The following RBSN variants were observed in gnomAD, a reference collection of about 807,000 sequenced individuals.
RBSN encodes rabenosyn, RAB effector, also known as rabenosyn-5.
RBSN carries 34 observed loss-of-function variants against 60.5 expected under a neutral mutation model. The ratio of observed to expected loss-of-function variants is 0.56; its 90% CI spans 0.43 to 0.75. The LOEUF is 0.75. Ranked by LOEUF, RBSN falls within the 30% of genes least tolerant of loss-of-function variation. The pLI, the probability that RBSN is intolerant of heterozygous loss-of-function variation, is 0.00. For synonymous variants in RBSN, 322 were observed against 366.9 expected, an observed-to-expected ratio of 0.88 and a Z score of 1.40; for missense variants, 845 against 986.8, an observed-to-expected ratio of 0.86 and a Z score of 1.92.
intron 10 of RBSN, 57 bp downstream of exon 10, chr3:15,080,675 C>A: frequency 6.5e-7 from 1 of 1,549,502 alleles, no homozygotes. Flanking sequence ...GAGAATTGAC[C>A]TAAAATGCCA....
Position 15,074,541 on chromosome 3 carries a change from T to G in RBSN, c.1596A>C (p.Arg532=). 6.2e-7 allele frequency: 1 copy of G among 1,614,216 alleles called. No individual in the cohort carries two copies. The highest frequency in any genetic ancestry group is 8.5e-7 in the Non-Finnish European group (1 of 1,180,048). The part of the protein sequence containing the change: ...LQMLRERELE[R]EREQFRVASL... ...ATGCCACCCGAAACTGCTCCCTTTC[T>G]CGTTCCAACTCCCGTTCACGCAACA... Residue 532 remains arginine (R), a synonymous_variant, in exon 14 of 14, where the codon CGA becomes CGC. Coordinates refer to ENST00000253699, the MANE Select transcript of RBSN (RefSeq NM_022340.4). The surrounding 1 kb of genome is among the most constrained non-coding windows in gnomAD (Gnocchi z 6.4).
At position 15,077,735 on chromosome 3, in the gene RBSN, T is replaced by C. The variant is rs2043089809; in HGVS notation, c.998+340A>G. 1.3e-5 allele frequency among the ~76,000 whole-genome samples: 2 copies of C among 152,232 alleles called. No individual in the cohort carries two copies. Among genetic ancestry groups the C allele is most frequent in the Admixed American group, 6.5e-5 (1 of 15,282 alleles). Reference sequence around the variant, plus strand: ...TCCACAATTTTTGCTATCTGTGACATGATTCCTCACCTTTGACACAGGATG... The same window carrying C: ...TCCACAATTTTTGCTATCTGTGACACGATTCCTCACCTTTGACACAGGATG... On this transcript the variant is annotated intron_variant, in intron 11 of 13. Transcript: ENST00000253699. The surrounding 1 kb of genome is among the most constrained non-coding windows in gnomAD (Gnocchi z 4.4).
At position 15,073,747 on chromosome 3, in the gene RBSN, A is replaced by G; in HGVS notation, c.*35T>C. Reference sequence around the variant, plus strand: ...GTCCTGCTCCACTGGCTCCTGCCAGACCCCTGGGCCCAAAGGTGCCCTCTC... The same window carrying G: ...GTCCTGCTCCACTGGCTCCTGCCAGGCCCCTGGGCCCAAAGGTGCCCTCTC... On this transcript the variant is annotated 3_prime_UTR_variant, in exon 14 of 14. Transcript: ENST00000253699. The G allele has an allele frequency of 6.4e-7, 1 of 1,561,978 alleles. No homozygotes were observed. The highest frequency in any genetic ancestry group is 8.6e-7 in the Non-Finnish European group (1 of 1,156,800).
intron 4 of RBSN, 65 bp downstream of exon 4, chr3:15,095,908 A>G: frequency 6.2e-7 from 1 of 1,607,698 alleles, no homozygotes; most frequent in Non-Finnish European, 8.5e-7. Flanking sequence ...AAAGCTGATG[A>G]GAACTATCCC....
rs2043655316 is a variant in RBSN at position 15,096,273 on chromosome 3, T to C, written c.-153A>G. The C allele has an allele frequency of 2.7e-6, 2 of 749,512 alleles. No homozygotes were observed. The highest frequency in any genetic ancestry group is 3.9e-6 in the Non-Finnish European group (2 of 517,070). 46.4% of individuals were successfully genotyped at this position (749,512 alleles called of 1,614,324 possible). On this transcript the variant is annotated 5_prime_UTR_variant, in exon 4 of 14. Coordinates refer to ENST00000253699, the MANE Select transcript of RBSN (RefSeq NM_022340.4). ...ATGGCCCTGGATGAGGTTTCCTCTC[T>C]GGAGTAGGAGGAGCCCTAAGAAAGA...
At chr3:15,080,683 C>T (rs1266353175) in intron 10 of RBSN, 49 bp downstream of exon 10, 6 of 1,567,500 alleles carry the variant, frequency 3.8e-6, no homozygotes, top group Non-Finnish European at 5.2e-6. Context: ...ACCTAAAATG[C>T]CAGAAAACAG....
chr3:15,090,274 A>AGCTCAAG, intron 5 of RBSN, 125 bp downstream of exon 5: 1 of 1,031,176 alleles, frequency 9.7e-7, no homozygotes, highest in Non-Finnish European at 1.4e-6. Flanking sequence ...CAAGGGCATA[A>AGCTCAAG]GGTCCATGAG....
chr3:15,096,302 G>A lies in RBSN; in HGVS notation c.-168-14C>T. The A allele has an allele frequency of 1.7e-6, 1 of 582,658 alleles. No homozygotes were observed. Among genetic ancestry groups the A allele is most frequent in the Non-Finnish European group, 2.7e-6 (1 of 376,504 alleles). The allele number at this position is 582,658 out of a possible 1,614,324, so 36.1% of individuals were successfully genotyped here. On this transcript the variant is annotated splice_polypyrimidine_tract_variant and intron_variant, in intron 3 of 13. Transcript: ENST00000253699. The stretch of plus-strand genomic sequence containing the variant: ...GTAGGAGGAGCCCTAAGAAAGAAAA[G>A]AAGAAGGGAAAAAAGCCAATTCAGG...
In RBSN at chr3:15,089,595, T is replaced by C. The variant is rs2043451835; in HGVS notation, c.289+804A>G. Among the ~76,000 whole-genome samples the C allele has an allele frequency of 2.7e-5, 4 of 150,854 alleles. 1 individual carries two copies. The highest frequency in any genetic ancestry group is 2.6e-4 in the Admixed American group (4 of 15,156). On this transcript the variant is annotated intron_variant, in intron 5 of 13. Transcript: ENST00000253699. ...ACACCATTTAAAGCAAATTCAGTGGTTTTTAGGATTTTCTTTTCTTTTTTT... is the reference window on the plus strand; with the variant it reads ...ACACCATTTAAAGCAAATTCAGTGGCTTTTAGGATTTTCTTTTCTTTTTTT...
Position 15,080,753 on chromosome 3 carries a change from A to G in RBSN, c.890T>C (p.Ile297Thr). The change falls in exon 10 of 14, where the codon ATC becomes ACC. Residue 297 changes from isoleucine to threonine, a missense_variant. Ile to Thr is a moderately conservative substitution (Grantham distance 89). Coordinates refer to ENST00000253699, the MANE Select transcript of RBSN (RefSeq NM_022340.4). ...TTACTTTAATGATGCTGCCATCCTG[A>G]TGTATTCTGGAGCTTTCTGGTCAAC... is the stretch of plus-strand genomic sequence containing the variant. ...EKVDQKAPEY[I>T]RMAASLNAGE... The G allele has an allele frequency of 6.2e-7, 1 of 1,614,114 alleles. No homozygotes were observed. Among genetic ancestry groups the G allele is most frequent in the Non-Finnish European group, 8.5e-7 (1 of 1,179,984 alleles).
intron 4 of RBSN, among the ~76,000 whole-genome samples, chr3:15,093,902 T>A (rs1274030399): frequency 6.6e-6 from 1 of 151,578 alleles, no homozygotes; most frequent in Non-Finnish European, 1.5e-5. Flanking sequence ...TTGGACAGGA[T>A]CTATGTTGCC....
intron 8 of RBSN, among the ~76,000 whole-genome samples, chr3:15,083,295 C>A (rs480644): frequency 0.75 from 113,556 of 152,108 alleles, 43,010 homozygotes; most frequent in African/African-American, 0.86. Context: ...TATCAAGGTA[C>A]AGTGACCTGG....
Position 15,082,295 on chromosome 3 carries a change from T to C in RBSN, c.840+72A>G. ...ACTTCCCAAAGCATTCTCCAGAATC[T>C]GCAGGAGTGTACATAACAAACAGCC... On this transcript the variant is annotated intron_variant, in intron 9 of 13. Coordinates refer to ENST00000253699, the MANE Select transcript of RBSN (RefSeq NM_022340.4). The surrounding 1 kb of genome is among the most constrained non-coding windows in gnomAD (Gnocchi z 4.2). 1.9e-6 allele frequency: 3 copies of C among 1,559,556 alleles called. No individual in the cohort carries two copies. Among genetic ancestry groups the C allele is most frequent in the Non-Finnish European group, 2.6e-6 (3 of 1,140,954 alleles).
At chr3:15,095,175 CG>C (rs1381774564) in intron 4 of RBSN, among the ~76,000 whole-genome samples, 2 of 151,916 alleles carry the variant, frequency 1.3e-5, no homozygotes, top group African/African-American at 4.8e-5. Flanking sequence ...CCATCACGCC[CG>C]GCTAGTTGTT....
At position 15,084,660 on chromosome 3, in the gene RBSN, T is replaced by C. The variant is rs1575097500; in HGVS notation, c.598+75A>G. ...TTAATTTAACAAAAAGGTTCCACGA[T>C]CCCAGTGGTAATTAGCAAATAAGCT... On this transcript the variant is annotated intron_variant, in intron 8 of 13. Transcript: ENST00000253699. The surrounding 1 kb of genome is among the most constrained non-coding windows in gnomAD (Gnocchi z 4.2). 2.0e-6 allele frequency: 3 copies of C among 1,489,594 alleles called. No individual in the cohort carries two copies. The highest frequency in any genetic ancestry group is 4.6e-5 in the East Asian group (2 of 43,658). The allele number at this position is 1,489,594 out of a possible 1,614,324, so 92.3% of individuals were successfully genotyped here.
chr3:15,097,649 C>A (rs1482639339), intron 2 of RBSN, among the ~76,000 whole-genome samples: 1 of 152,106 alleles, frequency 6.6e-6, no homozygotes, highest in Non-Finnish European at 1.5e-5. Flanking sequence ...ATCAAGACAC[C>A]CAGTCACAAG....
chr3:15,082,388 A>G lies in RBSN; in HGVS notation c.819T>C (p.Pro273=). The G allele has an allele frequency of 6.2e-7, 1 of 1,613,368 alleles. No homozygotes were observed. Among genetic ancestry groups the G allele is most frequent in the Non-Finnish European group, 8.5e-7 (1 of 1,179,306 alleles). Residue 273 remains proline (P), a synonymous_variant, in exon 9 of 14, where the codon CCT becomes CCC. Coordinates refer to ENST00000253699, the MANE Select transcript of RBSN (RefSeq NM_022340.4). This position sits in a 1 kb window ranked among gnomAD's most constrained non-coding sequence, Gnocchi z 4.2. ...TCACCTCGTAGAGCTTCACGATGTC[A>G]GGTGTGTGCTCCTTCTCATCAATCT... ...EQQIDEKEHT[P]DIVKLYEKLR...
At chr3:15,085,809 C>T (rs1327574011) in intron 6 of RBSN, 52 bp downstream of exon 6, 12 of 1,416,306 alleles carry the variant, frequency 8.5e-6, no homozygotes, top group Admixed American at 6.8e-5. Context: ...ATTATTTTTC[C>T]CCAGAAAATG....
Position 15,074,490 on chromosome 3 carries a change from C to T in RBSN, c.1647G>A (p.Leu549=), listed in dbSNP as rs750690047. 14 of 1,614,206 alleles carry T rather than the reference C, an allele frequency of 8.7e-6. No individual in the cohort carries two copies. In the South Asian group the frequency reaches 1.4e-4, roughly 16 times the overall value. The change falls in exon 14 of 14, where the codon CTG becomes CTA. Residue 549 remains leucine, a synonymous_variant. Coordinates refer to ENST00000253699, the MANE Select transcript of RBSN (RefSeq NM_022340.4). The surrounding 1 kb of genome is among the most constrained non-coding windows in gnomAD (Gnocchi z 6.4). ...GAAAAGGGCCGATTTCTCTGAAGTC[C>T]AGGGACCGAGTCCGTGTGTGCAGGG... ...VASLHTRTRS[L]DFREIGPFQL...
Sources: allele counts gnomAD v4.1 joint callset (sites outside exome capture counted in the v4.1 genomes callset), GRCh38; gene constraint gnomAD v4.1.1; non-coding constraint Gnocchi (gnomAD v3.1); transcripts MANE v1.5; gene names NCBI Gene and HGNC (gene_info 2026-07-23, HGNC 2026-07-21).